The following BRD4 variants were observed in gnomAD, a reference collection of about 807,000 sequenced individuals.
BRD4 encodes the protein bromodomain containing 4.
Under a neutral mutation model 142.1 loss-of-function variants are expected in BRD4, and 16 were observed. The observed-to-expected ratio is 0.11, with a 90% CI of 0.08 to 0.17. The LOEUF is 0.17. BRD4 is among the 10% of genes least tolerant of loss of function. The probability of loss-of-function intolerance (pLI) is 1.00; values close to 1 mark genes in which losing one functional copy is unlikely to be tolerated. For synonymous variants in BRD4, 833 were observed against 707.5 expected (o/e 1.18, Z -2.82); for missense variants, 1,424 against 1,810.9 (o/e 0.79, Z 3.88).
At chr19:15,241,618 G>A (rs1209637468) in intron 14 of BRD4, among the ~76,000 whole-genome samples, 3 of 152,128 alleles carry the variant, frequency 2.0e-5, no homozygotes, top group African/African-American at 7.2e-5. Flanking sequence ...GGTGCCTGGT[G>A]CACCCGAGTG....
intron 11 of BRD4, chr19:15,249,294 C>T: frequency 1.9e-6 from 3 of 1,613,906 alleles, no homozygotes; most frequent in East Asian, 2.2e-5. Context: ...GCAGGACCTA[C>T]GTAGAGGGAG....
intron 1 of BRD4, among the ~76,000 whole-genome samples, chr19:15,327,647 T>TG (rs2048120459): frequency 6.6e-6 from 1 of 152,060 alleles, no homozygotes. Flanking sequence ...CACTAATGAA[T>TG]GGGTAAACAA....
At chr19:15,240,138 C>T in intron 14 of BRD4, 116 bp from the exon 15 acceptor site, 1 of 1,423,834 alleles carries the variant, frequency 7.0e-7, no homozygotes, top group Non-Finnish European at 9.3e-7. Flanking sequence ...CCGCCCAGGC[C>T]CTGGGACAAG....
rs186506562 is a variant in BRD4 at position 15,302,830 on chromosome 19, C to A, written c.-35+29460G>T. Among the ~76,000 whole-genome samples, 385 of 151,450 alleles carry A rather than the reference C, an allele frequency of 2.5e-3. 1 individual carries two copies. The highest frequency in any genetic ancestry group is 8.9e-3 in the African/African-American group (369 of 41,276). Reference sequence around the variant, plus strand: ...ACCATCCTGGCTAAAACAGTGAAACCCCGTCTCTACTAAAAAATACAAAAA... The same window carrying A: ...ACCATCCTGGCTAAAACAGTGAAACACCGTCTCTACTAAAAAATACAAAAA... On this transcript the variant is annotated intron_variant, in intron 1 of 19. Transcript: ENST00000679869.
At chr19:15,331,576 C>T (rs2048158967) in intron 1 of BRD4, among the ~76,000 whole-genome samples, 1 of 152,190 alleles carries the variant, frequency 6.6e-6, no homozygotes, top group African/African-American at 2.4e-5. Flanking sequence ...CGCCCTGAGG[C>T]CTGGCCTCAG....
chr19:15,273,759 A>G (rs1447371909), intron 1 of BRD4, among the ~76,000 whole-genome samples: 2 of 152,002 alleles, frequency 1.3e-5, no homozygotes, highest in African/African-American at 4.8e-5. Flanking sequence ...TGAGGAAAGA[A>G]TCTGCATGTT....
intron 7 of BRD4, among the ~76,000 whole-genome samples, chr19:15,258,054 G>A (rs1034306399): frequency 1.3e-5 from 2 of 152,202 alleles, no homozygotes; most frequent in South Asian, 2.1e-4. Context: ...TCAAGACAGA[G>A]GCAGAAGCAC....
intron 1 of BRD4, among the ~76,000 whole-genome samples, chr19:15,322,760 G>C (rs1417077463): frequency 6.6e-6 from 1 of 151,046 alleles, no homozygotes; most frequent in Non-Finnish European, 1.5e-5. Context: ...CCAGCTACTT[G>C]GGAGGCTGAA....
intron 1 of BRD4, among the ~76,000 whole-genome samples, chr19:15,300,421 G>A (rs1009044426): frequency 4.0e-5 from 6 of 151,888 alleles, no homozygotes; most frequent in South Asian, 2.1e-4. Flanking sequence ...CAGGTGTGGC[G>A]GTGGGTGCCT....
At chr19:15,308,778 G>A (rs967819009) in intron 1 of BRD4, among the ~76,000 whole-genome samples, 2 of 152,066 alleles carry the variant, frequency 1.3e-5, no homozygotes, top group African/African-American at 4.8e-5. Flanking sequence ...CACTTTGGGA[G>A]GCCGAGGCGG....
rs1435206041 is a variant in BRD4, at chr19:15,236,888, T to C, written c.*1489A>G. 1.5e-5 allele frequency: 3 copies of C among 198,482 alleles called. No homozygotes were observed. The highest frequency in any genetic ancestry group is 6.1e-5 in the Admixed American group (1 of 16,420). 12.3% of individuals were successfully genotyped at this position (198,482 alleles called of 1,614,324 possible). ...CCATGATCAGTACAGACCAAATGCA[T>C]ATTCACCGTATGAAAGTCAAACCAG... On this transcript the variant is annotated 3_prime_UTR_variant, in exon 20 of 20. Coordinates refer to ENST00000679869, the MANE Select transcript of BRD4 (RefSeq NM_001379291.1).
chr19:15,260,842 G>A (rs2047461997), intron 7 of BRD4, among the ~76,000 whole-genome samples: 1 of 151,520 alleles, frequency 6.6e-6, no homozygotes, highest in African/African-American at 2.4e-5. Context: ...AATCTTTGTT[G>A]GAGAAAATCT....
rs368511511 is a variant in BRD4, at chr19:15,292,386, G to A, written c.-34-19253C>T. 1.6e-3 allele frequency among the ~76,000 whole-genome samples: 244 copies of A among 152,250 alleles called. 3 individuals are homozygous for A. Among genetic ancestry groups the A allele is most frequent in the African/African-American group, 5.8e-3 (239 of 41,540 alleles). ...GCTGCTGGAAATGCTAGACCCAGAA[G>A]CCCTTGGCACTAATTTGGACCACAC... On this transcript the variant is annotated intron_variant, in intron 1 of 19. Coordinates refer to ENST00000679869, the MANE Select transcript of BRD4 (RefSeq NM_001379291.1).
intron 11 of BRD4, chr19:15,248,050 G>A (rs1393730725): frequency 4.7e-5 from 10 of 214,464 alleles, no homozygotes; most frequent in African/African-American, 2.3e-4. Context: ...TCCAGAAGAA[G>A]GCAGGCCTCT....
chr19:15,271,926 G>GGTGTGCACACACCAGTGGCTCTT (rs2047592011), intron 2 of BRD4, among the ~76,000 whole-genome samples: 1 of 149,962 alleles, frequency 6.7e-6, no homozygotes, highest in African/African-American at 2.5e-5. Flanking sequence ...CAGTGGCTCT[G>GGTGTGCACACACCAGTGGCTCTT]GTGTGCACAC....
chr19:15,265,105 T>A (rs923199118), intron 5 of BRD4, among the ~76,000 whole-genome samples: 1 of 152,344 alleles, frequency 6.6e-6, no homozygotes, highest in Middle Eastern at 3.4e-3. Context: ...AGATGGCCCA[T>A]CTGCAAATAT....
chr19:15,260,265 T>C (rs530989480), intron 7 of BRD4, among the ~76,000 whole-genome samples: 1 of 152,292 alleles, frequency 6.6e-6, no homozygotes, highest in East Asian at 1.9e-4. Context: ...CCAAGTAACT[T>C]TCCAGATAAT....
At chr19:15,261,907 A>T (rs189438223) in intron 7 of BRD4, among the ~76,000 whole-genome samples, 12 of 151,786 alleles carry the variant, frequency 7.9e-5, no homozygotes, top group East Asian at 1.9e-4. Flanking sequence ...AATAAATAAA[A>T]AAAAGTAGAA....
chr19:15,299,901 A>C (rs2047853462), intron 1 of BRD4, among the ~76,000 whole-genome samples: 1 of 152,200 alleles, frequency 6.6e-6, no homozygotes, highest in African/African-American at 2.4e-5. Context: ...CTGCTGTTCT[A>C]CAGAGAGCGT....
Sources: allele counts gnomAD v4.1 joint callset (sites outside exome capture counted in the v4.1 genomes callset), GRCh38; gene constraint gnomAD v4.1.1; transcripts MANE v1.5; gene names NCBI Gene and HGNC (gene_info 2026-07-23, HGNC 2026-07-21).